The following GRID1 variants were observed in gnomAD, a reference collection of about 807,000 sequenced individuals.
The protein encoded by GRID1 is glutamate receptor ionotropic, delta-1.
A neutral mutation model predicts 98.0 loss-of-function variants in GRID1; 28 were observed. The observed-to-expected ratio is 0.29, with a 90% CI of 0.21 to 0.39. GRID1 has a LOEUF of 0.39. Among genes scored for constraint, GRID1 ranks in the 10% least tolerant of loss-of-function variants. The pLI is 1.00. For missense variants in GRID1, 1,111 were observed against 1,340.5 expected, an observed-to-expected ratio of 0.83 and a Z score of 2.67; for synonymous variants, 553 against 538.5, an observed-to-expected ratio of 1.03 and a Z score of -0.37.
intron 3 of GRID1, among the ~76,000 whole-genome samples, chr10:86,185,405 T>C (rs1223244477): frequency 2.0e-5 from 3 of 152,186 alleles, no homozygotes; most frequent in Admixed American, 6.5e-5. Context: ...TGGATGATCA[T>C]ATAATCAGTA....
chr10:85,895,123 C>A (rs1038712778), intron 5 of GRID1, among the ~76,000 whole-genome samples: 7 of 151,050 alleles, frequency 4.6e-5, no homozygotes, highest in Non-Finnish European at 8.8e-5. Flanking sequence ...TGTTTTTGCA[C>A]TAACCGTTGG....
chr10:86,055,812 A>G lies in GRID1; in HGVS notation c.726+83007T>C, dbSNP rs568312384. Among the ~76,000 whole-genome samples the G allele has an allele frequency of 1.3e-3, 166 of 127,196 alleles. 1 individual carries two copies. Among genetic ancestry groups the G allele is most frequent in the Non-Finnish European group, 2.1e-3 (123 of 59,216 alleles). The allele number at this position is 127,196 out of a possible 152,430, so 83.4% of individuals were successfully genotyped here. The stretch of plus-strand genomic sequence containing the variant: ...CCAGAACCAGAGAGCCTGTGCTCTC[A>G]TTCTCTCTCTCTCTCTCTCTCTCTC... On this transcript the variant is annotated intron_variant, in intron 4 of 15. Coordinates refer to ENST00000327946, the MANE Select transcript of GRID1 (RefSeq NM_017551.3).
intron 2 of GRID1, among the ~76,000 whole-genome samples, chr10:86,322,733 AAAAT>A (rs201373975): frequency 3.3e-5 from 5 of 150,236 alleles, no homozygotes; most frequent in East Asian, 1.9e-4. Flanking sequence ...TTTTTAAATA[AAAAT>A]AAATAAATAA....
intron 4 of GRID1, among the ~76,000 whole-genome samples, chr10:85,947,631 G>A (rs955966135): frequency 8.5e-5 from 13 of 152,190 alleles, no homozygotes; most frequent in African/African-American, 3.1e-4. Context: ...ACAAGAAGCA[G>A]CACCTGATGC....
chr10:85,858,309 C>T (rs1350992545), intron 6 of GRID1, among the ~76,000 whole-genome samples: 1 of 152,130 alleles, frequency 6.6e-6, no homozygotes, highest in Admixed American at 6.5e-5. Flanking sequence ...AGGTCAGTGC[C>T]TGGTCTGACC....
intron 5 of GRID1, among the ~76,000 whole-genome samples, chr10:85,874,771 A>G (rs975510026): frequency 2.6e-5 from 4 of 152,182 alleles, no homozygotes; most frequent in African/African-American, 9.7e-5. Flanking sequence ...TGTTGGTGTC[A>G]ATGGTCATTT....
intron 12 of GRID1, among the ~76,000 whole-genome samples, chr10:85,695,954 T>C (rs1841388574): frequency 6.6e-6 from 1 of 152,154 alleles, no homozygotes; most frequent in Non-Finnish European, 1.5e-5. Context: ...GGGTGTTTAT[T>C]CATCTTCAGA....
intron 4 of GRID1, among the ~76,000 whole-genome samples, chr10:86,066,311 C>T (rs1189334560): frequency 6.6e-5 from 10 of 152,168 alleles, no homozygotes; most frequent in Non-Finnish European, 1.0e-4. Flanking sequence ...CAAGCTCAAA[C>T]CCAAGCTGGG....
intron 4 of GRID1, among the ~76,000 whole-genome samples, chr10:85,987,608 C>T (rs1842628808): frequency 6.7e-6 from 1 of 149,048 alleles, no homozygotes; most frequent in African/African-American, 2.5e-5. Flanking sequence ...GCCTTACCTG[C>T]TCCTACCCTT....
intron 4 of GRID1, among the ~76,000 whole-genome samples, chr10:86,050,208 C>G (rs1036391867): frequency 2.0e-4 from 30 of 152,198 alleles, no homozygotes; most frequent in African/African-American, 7.0e-4. Context: ...GTGTTTCTAA[C>G]ATTTAGCCAC....
At chr10:86,161,651 T>A (rs1845325283) in intron 3 of GRID1, among the ~76,000 whole-genome samples, 1 of 152,150 alleles carries the variant, frequency 6.6e-6, no homozygotes, top group Non-Finnish European at 1.5e-5. Flanking sequence ...TCAGTCAGAA[T>A]CTGCCTTCCC....
chr10:85,963,136 T>A (rs929204862), intron 4 of GRID1, among the ~76,000 whole-genome samples: 2 of 152,094 alleles, frequency 1.3e-5, no homozygotes, highest in Non-Finnish European at 2.9e-5. Flanking sequence ...TTCCAGAACA[T>A]GTTCCTGGAG....
At chr10:85,656,731 TC>T (rs1554823211) in intron 12 of GRID1, among the ~76,000 whole-genome samples, 1 of 152,218 alleles carries the variant, frequency 6.6e-6, no homozygotes, top group Non-Finnish European at 1.5e-5. Flanking sequence ...TTTCAGCATT[TC>T]CTATCTCTTC....
rs1461540934 is a variant in GRID1 at position 86,121,732 on chromosome 10, T to C, written c.726+17087A>G. ...ATCCTAAACACTTCAAATGACTGTCTTGTTAAACTCTCATCACATCTTATG... is the reference window on the plus strand; with the variant it reads ...ATCCTAAACACTTCAAATGACTGTCCTGTTAAACTCTCATCACATCTTATG... On this transcript the variant is annotated intron_variant, in intron 4 of 15. Transcript: ENST00000327946. Among the ~76,000 whole-genome samples, 4 of 152,212 alleles carry C rather than the reference T, an allele frequency of 2.6e-5. No homozygotes were observed. In the East Asian group the frequency reaches 7.7e-4, roughly 29 times the overall value.
intron 2 of GRID1, among the ~76,000 whole-genome samples, chr10:86,279,857 C>T (rs569477493): frequency 3.3e-5 from 5 of 152,226 alleles, no homozygotes; most frequent in African/African-American, 1.2e-4. Flanking sequence ...ATGGAATCTA[C>T]CCTTTAAAAA....
chr10:86,209,376 A>G (rs1846076546), intron 2 of GRID1, among the ~76,000 whole-genome samples: 1 of 152,232 alleles, frequency 6.6e-6, no homozygotes, highest in African/African-American at 2.4e-5. Flanking sequence ...AATTCACAGT[A>G]TTCTCAGGAC....
intron 4 of GRID1, among the ~76,000 whole-genome samples, chr10:86,033,524 G>T (rs1371437977): frequency 6.6e-6 from 1 of 152,202 alleles, no homozygotes; most frequent in African/African-American, 2.4e-5. Context: ...AACTCTGCAG[G>T]GAGACCACCT....
chr10:86,180,175 G>A (rs1845635266), intron 3 of GRID1, among the ~76,000 whole-genome samples: 2 of 152,158 alleles, frequency 1.3e-5, no homozygotes, highest in African/African-American at 2.4e-5. Context: ...CTTGTGAGCA[G>A]AAGGCTCCGG....
chr10:85,715,645 A>C (rs1376387897), intron 12 of GRID1, among the ~76,000 whole-genome samples: 1 of 152,220 alleles, frequency 6.6e-6, no homozygotes, highest in African/African-American at 2.4e-5. Context: ...AATACAAATG[A>C]AAACTACAAT....
Sources: allele counts gnomAD v4.1 joint callset (sites outside exome capture counted in the v4.1 genomes callset), GRCh38; gene constraint gnomAD v4.1.1; transcripts MANE v1.5; gene names NCBI Gene and HGNC (gene_info 2026-07-23, HGNC 2026-07-21).